Variants in SLC10A1 observed in about 807,000 individuals in gnomAD.
SLC10A1 encodes solute carrier family 10 member 1, also known as hepatic sodium/bile acid cotransporter.
Under a neutral mutation model 20.5 loss-of-function variants are expected in SLC10A1, and 36 were observed. The ratio of observed to expected loss-of-function variants is 1.75; its 90% confidence interval spans 1.34 to 2.32. SLC10A1 has a LOEUF of 2.32. Ranked by LOEUF, SLC10A1 falls within the 30% of genes most tolerant of loss-of-function variation. The pLI, the probability that SLC10A1 is intolerant of heterozygous loss-of-function variation, is 0.00. For missense variants in SLC10A1, 545 were observed against 439.1 expected (o/e 1.24, Z -2.16); for synonymous variants, 188 against 163.6 (o/e 1.15, Z -1.14).
intron 1 of SLC10A1, among the ~76,000 whole-genome samples, chr14:69,793,285 C>T (rs1882318578): frequency 1.3e-5 from 2 of 152,168 alleles, no homozygotes; most frequent in African/African-American, 4.8e-5. Context: ...ACATCCATCT[C>T]CTAGCCTGCT....
intron 1 of SLC10A1, among the ~76,000 whole-genome samples, chr14:69,789,638 T>A (rs143690019): frequency 2.1e-3 from 316 of 152,286 alleles, no homozygotes; most frequent in African/African-American, 7.3e-3. Flanking sequence ...AGGCTTGGAA[T>A]TATGCTAAAA....
At chr14:69,796,739 A>G (rs376186066) in intron 1 of SLC10A1, 61 bp downstream of exon 1, 8 of 1,371,128 alleles carry the variant, frequency 5.8e-6, no homozygotes, top group African/African-American at 2.8e-5. Context: ...CTTCCCCTCA[A>G]TTGTGACATA....
At chr14:69,776,517 T>C in intron 4 of SLC10A1, 129 bp from the exon 5 acceptor site, 1 of 676,732 alleles carries the variant, frequency 1.5e-6, no homozygotes, top group Non-Finnish European at 2.5e-6. Flanking sequence ...ATTTTCCATC[T>C]CTGTCGTCTC....
intron 2 of SLC10A1, among the ~76,000 whole-genome samples, chr14:69,784,927 A>G (rs903217790): frequency 1.3e-5 from 2 of 151,994 alleles, no homozygotes; most frequent in Non-Finnish European, 2.9e-5. Flanking sequence ...GGCAAAAACT[A>G]CTCTTGAGAC....
chr14:69,788,705 C>T (rs956092448), intron 1 of SLC10A1, among the ~76,000 whole-genome samples: 10 of 152,060 alleles, frequency 6.6e-5, no homozygotes, highest in Admixed American at 2.6e-4. Context: ...CCACCACGCC[C>T]GGCTAATTTT....
At position 69,778,484 on chromosome 14, in the gene SLC10A1, T is replaced by C. The variant is rs770599507; in HGVS notation, c.792A>G (p.Gln264=). 1 of 1,612,464 alleles carries C rather than the reference T, an allele frequency of 6.2e-7. No individual in the cohort carries two copies. The highest frequency in any genetic ancestry group is 1.7e-5 in the Admixed American group (1 of 59,782). Residue 264 remains glutamine (Q), a synonymous_variant, in exon 4 of 5, where the codon CAA becomes CAG. Transcript: ENST00000216540. ...CCACATTGAGGATGGTGGAACAGAG[T>C]TGGACATTTTGGCATCCAGTCTCCA... ...VSMETGCQNV[Q]LCSTILNVAF...
intron 4 of SLC10A1, 102 bp from the exon 5 acceptor site, chr14:69,776,490 G>GAGT (rs1464033378): frequency 1.2e-6 from 1 of 858,872 alleles, no homozygotes; most frequent in Non-Finnish European, 1.9e-6. Context: ...CTCAGCCCTA[G>GAGT]AGTGTGCTAA....
chr14:69,778,516 C>G lies in SLC10A1; in HGVS notation c.760G>C (p.Val254Leu), dbSNP rs1400336418. The change falls in exon 4 of 5, where the codon GTC becomes CTC. Residue 254 changes from valine to leucine, a missense_variant. Transcript: ENST00000216540. ...TTTTGGCATCCAGTCTCCATGCTGACAGTGCGTCTGCACCTGTGCCGGTGA... is the reference window on the plus strand; with the variant it reads ...TTTTGGCATCCAGTCTCCATGCTGAGAGTGCGTCTGCACCTGTGCCGGTGA... ...FCLNGRCRRTVSMETGCQNVQ... is the reference protein window; with the variant it reads ...FCLNGRCRRTLSMETGCQNVQ... The G allele has an allele frequency of 5.3e-5, 85 of 1,607,678 alleles. No individual in the cohort carries two copies. The highest frequency in any genetic ancestry group is 7.0e-5 in the Non-Finnish European group (83 of 1,177,418).
chr14:69,793,822 C>T (rs1438987059), intron 1 of SLC10A1, among the ~76,000 whole-genome samples: 2 of 152,208 alleles, frequency 1.3e-5, no homozygotes, highest in African/African-American at 4.8e-5. Context: ...TTCTCTGTGC[C>T]TGACAAGCCA....
intron 4 of SLC10A1, 72 bp from the exon 5 acceptor site, chr14:69,776,460 G>C: frequency 8.1e-7 from 1 of 1,237,138 alleles, no homozygotes; most frequent in Non-Finnish European, 1.2e-6. Flanking sequence ...TGTTTAATCT[G>C]GAAAGTACAA....
intron 2 of SLC10A1, among the ~76,000 whole-genome samples, chr14:69,781,415 A>G (rs966730843): frequency 3.3e-5 from 5 of 152,232 alleles, no homozygotes; most frequent in African/African-American, 1.2e-4. Context: ...TGACATGTCC[A>G]CAGTCTACCC....
rs777901292 is a variant in SLC10A1 at position 69,797,140 on chromosome 14, C to T, written c.16G>A (p.Ala6Thr). 17 of 1,609,328 alleles carry T rather than the reference C, an allele frequency of 1.1e-5. No individual in the cohort carries two copies. The highest frequency in any genetic ancestry group is 4.0e-5 in the African/African-American group (3 of 74,884). ...AGGGTGAAGTTGAATGGGGCAGACG[C>T]GTTGTGGGCCTCCATCCTCCTGTGA... MEAHN[A>T]SAPFNFTLPP... Residue 6 changes from alanine to threonine, a missense_variant, in exon 1 of 5, where the codon GCG (alanine) becomes ACG (threonine). Physicochemically the swap from Ala to Thr is moderately conservative, Grantham distance 58 (BLOSUM62 0). Coordinates refer to ENST00000216540, the MANE Select transcript of SLC10A1 (RefSeq NM_003049.4).
intron 1 of SLC10A1, among the ~76,000 whole-genome samples, chr14:69,795,250 G>A (rs1238731414): frequency 6.6e-6 from 1 of 152,146 alleles, no homozygotes; most frequent in Non-Finnish European, 1.5e-5. Flanking sequence ...CTTTCCGTGG[G>A]TGATGGCACA....
At chr14:69,776,613 T>C (rs1883454467) in intron 4 of SLC10A1, among the ~76,000 whole-genome samples, 1 of 152,214 alleles carries the variant, frequency 6.6e-6, no homozygotes, top group South Asian at 2.1e-4. Context: ...AATTAGACTA[T>C]TGTGTCTTCA....
At chr14:69,796,100 A>G (rs1229666833) in intron 1 of SLC10A1, among the ~76,000 whole-genome samples, 1 of 152,144 alleles carries the variant, frequency 6.6e-6, no homozygotes, top group Non-Finnish European at 1.5e-5. Flanking sequence ...TCCAGGAGCG[A>G]GCCCTTGCTG....
At position 69,776,107 on chromosome 14, in the gene SLC10A1, T is replaced by G. The variant is rs1883439084; in HGVS notation, c.*175A>C. On this transcript the variant is annotated 3_prime_UTR_variant, in exon 5 of 5. Transcript: ENST00000216540. ...TTCTAAGTTGGGGATAGGTGAGGCT[T>G]CTTGGGTAGACACCCTGTCTGTGTT... is the stretch of plus-strand genomic sequence containing the variant. 4 of 583,702 alleles carry G rather than the reference T, an allele frequency of 6.9e-6. No individual in the cohort carries two copies. The highest frequency in any genetic ancestry group is 3.2e-5 in the Admixed American group (1 of 30,948). 36.2% of individuals were successfully genotyped at this position (583,702 alleles called of 1,614,324 possible).
rs148637574 is a variant in SLC10A1 at position 69,787,345 on chromosome 14, A to T, written c.357-1038T>A. ...GAAAGGTCAACTGAGAAGGAAGCTG[A>T]TAGGGCATCTCCTTAGATTTATGGA... On this transcript the variant is annotated intron_variant, in intron 1 of 4. Transcript: ENST00000216540. Among the ~76,000 whole-genome samples, 384 of 152,336 alleles carry T rather than the reference A, an allele frequency of 2.5e-3. 8 individuals carry two copies. Among genetic ancestry groups the T allele is most frequent in the Admixed American group, 0.02 (299 of 15,300 alleles).
intron 1 of SLC10A1, 41 bp from the exon 2 acceptor site, chr14:69,786,348 A>T: frequency 6.5e-7 from 1 of 1,527,040 alleles, no homozygotes; most frequent in African/African-American, 1.4e-5. Context: ...GAGAGAGCCC[A>T]TAAATACAGA....
At chr14:69,783,453 C>T (rs1234186322) in intron 2 of SLC10A1, among the ~76,000 whole-genome samples, 1 of 151,960 alleles carries the variant, frequency 6.6e-6, no homozygotes, top group Non-Finnish European at 1.5e-5. Flanking sequence ...CTGGGGGAGG[C>T]GCTATTTGTG....
Sources: allele counts gnomAD v4.1 joint callset (sites outside exome capture counted in the v4.1 genomes callset), GRCh38; gene constraint gnomAD v4.1.1; transcripts MANE v1.5; gene names NCBI Gene and HGNC (gene_info 2026-07-23, HGNC 2026-07-21).